Variants in MCF2L2 observed in about 807,000 individuals in gnomAD.
MCF2L2 encodes MCF.2 cell line derived transforming sequence-like 2.
In MCF2L2, 102 loss-of-function variants were observed where a neutral mutation model predicts 150.2. The ratio of observed to expected loss-of-function variants is 0.68; its 90% confidence interval spans 0.58 to 0.80. MCF2L2 has a LOEUF of 0.80. Among genes scored for constraint, MCF2L2 ranks in the 30% least tolerant of loss-of-function variants. The pLI, the probability that MCF2L2 is intolerant of heterozygous loss-of-function variation, is 0.00. For synonymous variants in MCF2L2, 465 were observed against 491.3 expected, an observed-to-expected ratio of 0.95 and a Z score of 0.71; for missense variants, 1,256 against 1,372.8, an observed-to-expected ratio of 0.91 and a Z score of 1.34.
intron 22 of MCF2L2, among the ~76,000 whole-genome samples, chr3:183,214,178 T>C (rs369473333): frequency 9.2e-5 from 14 of 152,174 alleles, no homozygotes; most frequent in East Asian, 7.7e-4. Flanking sequence ...GGAAATGAAA[T>C]TTAATAGGGA....
chr3:183,309,958 A>G, intron 9 of MCF2L2, 123 bp from the exon 10 acceptor site: 2 of 1,143,528 alleles, frequency 1.7e-6, no homozygotes, highest in African/African-American at 3.1e-5. Context: ...ATATATCTAT[A>G]TATGTTAAAA....
intron 5 of MCF2L2, among the ~76,000 whole-genome samples, chr3:183,328,862 G>A (rs914091213): frequency 6.6e-6 from 1 of 152,118 alleles, no homozygotes; most frequent in Non-Finnish European, 1.5e-5. Flanking sequence ...TTAAAAAAGG[G>A]CAAAAGATTT....
intron 25 of MCF2L2, among the ~76,000 whole-genome samples, chr3:183,203,619 C>T (rs1026888694): frequency 5.9e-5 from 9 of 152,112 alleles, no homozygotes; most frequent in African/African-American, 1.4e-4. Flanking sequence ...ACGCTAATGA[C>T]GCATAATGGC....
intron 11 of MCF2L2, chr3:183,299,113 G>A (rs937094625): frequency 6.6e-6 from 1 of 152,390 alleles, no homozygotes; most frequent in African/African-American, 2.4e-5. Context: ...ACATACCCTA[G>A]AGGTCACCTC....
intron 18 of MCF2L2, chr3:183,225,530 T>G (rs961655870): frequency 2.0e-5 from 3 of 152,238 alleles, no homozygotes; most frequent in Non-Finnish European, 4.4e-5. Context: ...AAACTCATAT[T>G]CACACAAGAA....
intron 10 of MCF2L2, among the ~76,000 whole-genome samples, chr3:183,306,257 A>G (rs17804191): frequency 2.0e-5 from 3 of 152,078 alleles, no homozygotes; most frequent in Non-Finnish European, 4.4e-5. Context: ...TTTATGGTGA[A>G]ACCTCCAAAT....
At chr3:183,407,297 CTCCAAATGTA>C (rs1715093966) in intron 1 of MCF2L2, among the ~76,000 whole-genome samples, 1 of 150,914 alleles carries the variant, frequency 6.6e-6, no homozygotes, top group African/African-American at 2.5e-5. Context: ...AATGTGAGTC[CTCCAAATGTA>C]CTCTTTTAAA....
At chr3:183,306,591 A>AACCCACAGAGG (rs1277128999) in intron 10 of MCF2L2, among the ~76,000 whole-genome samples, 1 of 152,242 alleles carries the variant, frequency 6.6e-6, no homozygotes, top group Non-Finnish European at 1.5e-5. Context: ...ATCTAGAACA[A>AACCCACAGAGG]ACCCACAGAG....
intron 3 of MCF2L2, among the ~76,000 whole-genome samples, chr3:183,357,161 A>G (rs918965680): frequency 1.3e-5 from 2 of 152,218 alleles, no homozygotes; most frequent in Non-Finnish European, 2.9e-5. Context: ...ATTGTCACAT[A>G]TCCTCTCAGA....
At chr3:183,389,807 A>G in intron 1 of MCF2L2, 28 bp from the exon 2 acceptor site, 1 of 1,559,872 alleles carries the variant, frequency 6.4e-7, no homozygotes, top group Non-Finnish European at 8.8e-7. Flanking sequence ...AAAGTGGGTT[A>G]GTTAAACATG....
intron 20 of MCF2L2, 72 bp from the exon 21 acceptor site, chr3:183,219,996 TCTA>T (rs1371704058): frequency 9.1e-7 from 1 of 1,096,916 alleles, no homozygotes. Flanking sequence ...GTCAACAAAA[TCTA>T]CTGTGCAAAC....
intron 13 of MCF2L2, 81 bp downstream of exon 13, chr3:183,295,219 C>T (rs1728426127): frequency 1.4e-6 from 2 of 1,381,942 alleles, no homozygotes; most frequent in Admixed American, 2.3e-5. Flanking sequence ...GACCATTATC[C>T]ATTGTAGACA....
chr3:183,406,504 T>C (rs1314883894), intron 1 of MCF2L2, among the ~76,000 whole-genome samples: 2 of 152,168 alleles, frequency 1.3e-5, no homozygotes, highest in African/African-American at 4.8e-5. Context: ...TTGGTTTTTT[T>C]TGAGACAGAG....
intron 5 of MCF2L2, among the ~76,000 whole-genome samples, chr3:183,338,542 AAGATCT>A (rs1201210771): frequency 6.6e-6 from 1 of 151,990 alleles, no homozygotes; most frequent in Non-Finnish European, 1.5e-5. Context: ...CCTCACACTG[AAGATCT>A]AGTCCTTGTT....
At chr3:183,329,226 T>C (rs1366111387) in intron 5 of MCF2L2, among the ~76,000 whole-genome samples, 3 of 152,208 alleles carry the variant, frequency 2.0e-5, no homozygotes, top group African/African-American at 7.2e-5. Flanking sequence ...AGACAGCGTC[T>C]CGCTCTGTCG....
chr3:183,369,935 C>T (rs1712765384), intron 3 of MCF2L2, among the ~76,000 whole-genome samples: 1 of 152,188 alleles, frequency 6.6e-6, no homozygotes, highest in Non-Finnish European at 1.5e-5. Context: ...TAGCTAATCG[C>T]TCACCCACTA....
At chr3:183,278,987 A>G (rs1727323488) in intron 14 of MCF2L2, among the ~76,000 whole-genome samples, 1 of 152,198 alleles carries the variant, frequency 6.6e-6, no homozygotes, top group African/African-American at 2.4e-5. Flanking sequence ...GTCTAATGGA[A>G]TATAACACTG....
chr3:183,385,984 A>G (rs965517063), intron 2 of MCF2L2, among the ~76,000 whole-genome samples: 2 of 152,232 alleles, frequency 1.3e-5, no homozygotes, highest in South Asian at 4.1e-4. Context: ...TAAGAAGAAA[A>G]CATCAAGAGA....
At chr3:183,228,448 G>T in intron 17 of MCF2L2, 82 bp from the exon 18 acceptor site, 1 of 879,928 alleles carries the variant, frequency 1.1e-6, no homozygotes, top group Non-Finnish European at 1.8e-6. Context: ...ATCACATAAG[G>T]TTTCAAGAGG....
Sources: allele counts gnomAD v4.1 joint callset (sites outside exome capture counted in the v4.1 genomes callset), GRCh38; gene constraint gnomAD v4.1.1; transcripts MANE v1.5; gene names NCBI Gene and HGNC (gene_info 2026-07-23, HGNC 2026-07-21).